Variants in TDRD12 observed in about 807,000 individuals in gnomAD.
TDRD12 encodes the protein tudor domain containing 12, also known as putative ATP-dependent RNA helicase TDRD12.
TDRD12 carries 158 observed loss-of-function variants against 133.5 expected under a neutral mutation model. The observed-to-expected ratio is 1.18, with a 90% CI of 1.04 to 1.35. The LOEUF (loss-of-function observed/expected upper bound fraction) is 1.35, where lower values mean the gene tolerates loss of function less well. Ranked by LOEUF, TDRD12 falls within the 40% of genes most tolerant of loss-of-function variation. The probability of loss-of-function intolerance (pLI) is 0.00; values close to 1 mark genes in which losing one functional copy is unlikely to be tolerated. For synonymous variants in TDRD12, 460 were observed against 477.9 expected, an observed-to-expected ratio of 0.96 and a Z score of 0.49; for missense variants, 1,443 against 1,321.3, an observed-to-expected ratio of 1.09 and a Z score of -1.43.
intron 1 of TDRD12, among the ~76,000 whole-genome samples, chr19:32,722,046 C>T (rs1732700129): frequency 6.6e-6 from 1 of 152,114 alleles, no homozygotes; most frequent in African/African-American, 2.4e-5. Context: ...CACTCTCCTG[C>T]TCTTACTTGA....
intron 21 of TDRD12, 25 bp from the exon 22 acceptor site, chr19:32,807,519 TTATGA>T (rs1971588173): frequency 7.1e-7 from 1 of 1,403,210 alleles, no homozygotes; most frequent in Non-Finnish European, 9.5e-7. Context: ...TATTACTTAC[TTATGA>T]TAAGTCTAGT....
intron 2 of TDRD12, among the ~76,000 whole-genome samples, chr19:32,736,321 C>T (rs1969222720): frequency 6.6e-6 from 1 of 152,156 alleles, no homozygotes. Flanking sequence ...GAGGCTGAAG[C>T]AGGAAGATCA....
chr19:32,720,043 G>C (rs1274660173), exon 1 of TDRD12: 1 of 1,547,680 alleles, frequency 6.5e-7, no homozygotes, highest in Admixed American at 2.0e-5. Flanking sequence ...CCAGGGCGAG[G>C]GGGCCCATCT....
intron 3 of TDRD12, 122 bp from the exon 4 acceptor site, chr19:32,742,659 A>C (rs939546664): frequency 2.7e-6 from 3 of 1,106,260 alleles, no homozygotes; most frequent in African/African-American, 3.2e-5. Flanking sequence ...TTAGAAACAG[A>C]AAGAATTGTT....
At chr19:32,743,888 C>G (rs912714151) in intron 4 of TDRD12, among the ~76,000 whole-genome samples, 7 of 151,568 alleles carry the variant, frequency 4.6e-5, no homozygotes, top group African/African-American at 1.2e-4. Flanking sequence ...ATTAGCCTGG[C>G]GTGGTGGTAG....
chr19:32,769,481 G>A (rs1970385481), intron 8 of TDRD12, among the ~76,000 whole-genome samples: 1 of 152,206 alleles, frequency 6.6e-6, no homozygotes, highest in Admixed American at 6.5e-5. Context: ...GAATCTAGGA[G>A]ACTGCCTGTT....
intron 4 of TDRD12, 137 bp from the exon 5 acceptor site, chr19:32,748,339 G>A (rs1969717528): frequency 2.4e-6 from 2 of 827,894 alleles, no homozygotes; most frequent in African/African-American, 3.4e-5. Context: ...AGCAGGGCCA[G>A]TGCCAGGTGC....
chr19:32,798,638 A>G (rs1259819216), intron 16 of TDRD12, among the ~76,000 whole-genome samples: 1 of 152,230 alleles, frequency 6.6e-6, no homozygotes, highest in Non-Finnish European at 1.5e-5. Flanking sequence ...TGAAGTGCAA[A>G]CATTCTTTCC....
At chr19:32,773,591 G>C in intron 10 of TDRD12, 59 bp downstream of exon 10, 1 of 1,462,260 alleles carries the variant, frequency 6.8e-7, no homozygotes, top group Non-Finnish European at 9.4e-7. Flanking sequence ...CCAGCTACTG[G>C]GGAGGCTGAG....
chr19:32,756,172 G>T lies in TDRD12; in HGVS notation c.763G>T (p.Gly255Ter). 7.0e-7 allele frequency: 1 copy of T among 1,418,620 alleles called. No individual in the cohort carries two copies. The allele number at this position is 1,418,620 out of a possible 1,614,324, so 87.9% of individuals were successfully genotyped here. ...GTTTTTGCAAGGAAAAGATGTTCAA[G>T]GAATGGAAGGTGAGTAGATTCTCAT... The change falls in exon 7 of 28, where the codon GGA becomes TGA. Residue 255 changes from glycine to a stop codon, truncating the protein, a stop_gained. Coordinates refer to ENST00000444215, the Ensembl canonical transcript of TDRD12. LOFTEE classifies it high-confidence loss of function.
intron 21 of TDRD12, among the ~76,000 whole-genome samples, chr19:32,804,811 G>T (rs1376817635): frequency 6.6e-6 from 1 of 151,574 alleles, no homozygotes; most frequent in Non-Finnish European, 1.5e-5. Flanking sequence ...AGCCAAGTTC[G>T]CGCCACTGCA....
intron 3 of TDRD12, among the ~76,000 whole-genome samples, chr19:32,739,336 A>ACT (rs10622710): frequency 0.6 from 86,025 of 144,224 alleles, 25,808 homozygotes; most frequent in East Asian, 0.83. Flanking sequence ...TCTCCTGGCT[A>ACT]CTCTGCATCT....
At chr19:32,808,386 G>A (rs149153898) in intron 22 of TDRD12, among the ~76,000 whole-genome samples, 1 of 152,264 alleles carries the variant, frequency 6.6e-6, no homozygotes, top group Non-Finnish European at 1.5e-5. Context: ...TGTCAGCAGG[G>A]CCATGCCCCT....
chr19:32,742,531 A>C (rs527525653), intron 3 of TDRD12, among the ~76,000 whole-genome samples: 2 of 152,262 alleles, frequency 1.3e-5, no homozygotes, highest in Admixed American at 1.3e-4. Context: ...TCACTGATAC[A>C]CTATCTATGT....
intron 4 of TDRD12, among the ~76,000 whole-genome samples, chr19:32,744,187 C>T (rs1183606996): frequency 6.6e-6 from 1 of 151,986 alleles, no homozygotes; most frequent in Non-Finnish European, 1.5e-5. Context: ...ACCATTTGCA[C>T]AGTACAGTCC....
At chr19:32,818,880 CCTGCTGGACTAGTGGG>C (rs1967279434) in intron 27 of TDRD12, among the ~76,000 whole-genome samples, 1 of 152,104 alleles carries the variant, frequency 6.6e-6, no homozygotes, top group African/African-American at 2.4e-5. Context: ...GGGCTAGTGG[CCTGCTGGACTAGTGGG>C]CTGCTGGGCT....
chr19:32,798,302 A>C lies in TDRD12; in HGVS notation c.1631-6A>C. ...TGAAAATGTTCACTTTTTTTTTTAA[A>C]TGCAGGTGATGTGATTGTTACGACC... On this transcript the variant is annotated splice_polypyrimidine_tract_variant and splice_region_variant and intron_variant, in intron 15 of 27. Transcript: ENST00000444215. 2 of 1,511,224 alleles carry C rather than the reference A, an allele frequency of 1.3e-6. No homozygotes were observed. The highest frequency in any genetic ancestry group is 2.4e-5 in the South Asian group (2 of 81,940). 93.6% of individuals were successfully genotyped at this position (1,511,224 alleles called of 1,614,324 possible). A position where few individuals can be genotyped will look rare whatever the true frequency, so the allele number is the denominator to read the frequency against.
chr19:32,786,789 C>T (rs1970920182), intron 11 of TDRD12, among the ~76,000 whole-genome samples: 1 of 152,140 alleles, frequency 6.6e-6, no homozygotes, highest in Non-Finnish European at 1.5e-5. Context: ...CATTTAAGCT[C>T]TTCTCTACAC....
intron 11 of TDRD12, among the ~76,000 whole-genome samples, chr19:32,787,474 T>G (rs1228524751): frequency 6.6e-6 from 1 of 152,194 alleles, no homozygotes; most frequent in Non-Finnish European, 1.5e-5. Flanking sequence ...GCAGGGACGT[T>G]TAAGTCTGGA....
Sources: gnomAD v4.1 joint callset for allele counts (sites outside exome capture counted in the v4.1 genomes callset) on GRCh38, gnomAD v4.1.1 for gene constraint, MANE v1.5 for transcripts, NCBI Gene and HGNC (gene_info 2026-07-23, HGNC 2026-07-21) for gene names.